Variants in IGF1R observed in about 807,000 individuals in gnomAD.
IGF1R encodes the protein insulin like growth factor 1 receptor.
IGF1R carries 44 observed loss-of-function variants against 144.6 expected under a neutral mutation model. The observed-to-expected ratio is 0.30, with a 90% CI of 0.24 to 0.39. The LOEUF (loss-of-function observed/expected upper bound fraction) is 0.39, where lower values mean the gene tolerates loss of function less well. IGF1R is among the 10% of genes least tolerant of loss of function. IGF1R has a pLI of 1.00. For missense variants in IGF1R, 1,355 were observed against 1,833.7 expected (o/e 0.74, Z 4.77); for synonymous variants, 795 against 722.8 (o/e 1.10, Z -1.60).
chr15:98,817,650 G>A (rs2056723951), intron 2 of IGF1R, among the ~76,000 whole-genome samples: 1 of 152,156 alleles, frequency 6.6e-6, no homozygotes, highest in South Asian at 2.1e-4. Context: ...TGGAAGATGA[G>A]GGAAACTGAG....
At chr15:98,778,754 G>T (rs1010181309) in intron 2 of IGF1R, among the ~76,000 whole-genome samples, 1 of 152,226 alleles carries the variant, frequency 6.6e-6, no homozygotes, top group African/African-American at 2.4e-5. Context: ...TGTCAGCCTG[G>T]TAGTGGTGCT....
intron 2 of IGF1R, among the ~76,000 whole-genome samples, chr15:98,842,172 T>C (rs2011185565): frequency 1.3e-5 from 2 of 152,252 alleles, no homozygotes; most frequent in South Asian, 4.1e-4. Flanking sequence ...TGATGCACTT[T>C]CTTGGCAAGC....
chr15:98,911,465 C>T (rs993635207), intron 7 of IGF1R, 24 bp downstream of exon 7: 2 of 1,613,978 alleles, frequency 1.2e-6, no homozygotes, highest in Admixed American at 1.7e-5. Context: ...TTGGGTGATG[C>T]CATTCTGTTG....
chr15:98,878,663 C>CAAAA (rs138285597), intron 2 of IGF1R, among the ~76,000 whole-genome samples: 628 of 57,766 alleles, frequency 0.011, 17 homozygotes, highest in Middle Eastern at 0.016. Flanking sequence ...GTGAAAGACT[C>CAAAA]AAAAAAAAAA....
chr15:98,689,003 T>A (rs1246148789), intron 1 of IGF1R, among the ~76,000 whole-genome samples: 2 of 152,206 alleles, frequency 1.3e-5, no homozygotes, highest in East Asian at 3.9e-4. Flanking sequence ...GCCCAGATGT[T>A]AACATCAGTA....
chr15:98,857,799 A>G (rs2011913947), intron 2 of IGF1R, among the ~76,000 whole-genome samples: 1 of 152,238 alleles, frequency 6.6e-6, no homozygotes, highest in Non-Finnish European at 1.5e-5. Flanking sequence ...GGATTAACTG[A>G]CAAAATTCTT....
intron 4 of IGF1R, among the ~76,000 whole-genome samples, chr15:98,898,776 A>G (rs1268389181): frequency 6.6e-6 from 1 of 152,236 alleles, no homozygotes; most frequent in Non-Finnish European, 1.5e-5. Flanking sequence ...TTTGTTTACT[A>G]TGAGAAAAAG....
intron 2 of IGF1R, among the ~76,000 whole-genome samples, chr15:98,772,482 T>TATC (rs2055609838): frequency 1.8e-5 from 1 of 55,450 alleles, no homozygotes; most frequent in African/African-American, 5.0e-5. Flanking sequence ...TAAAAATTAT[T>TATC]ATTATTATTA....
At chr15:98,739,301 GA>G (rs1298983381) in intron 2 of IGF1R, among the ~76,000 whole-genome samples, 1 of 152,164 alleles carries the variant, frequency 6.6e-6, no homozygotes, top group Non-Finnish European at 1.5e-5. Flanking sequence ...CTAGTCTTGA[GA>G]GAGAACCTGC....
intron 2 of IGF1R, among the ~76,000 whole-genome samples, chr15:98,809,170 G>C (rs2056531697): frequency 6.6e-6 from 1 of 152,220 alleles, no homozygotes; most frequent in Non-Finnish European, 1.5e-5. Context: ...GGGGCACCCT[G>C]CCGTGACCCT....
At chr15:98,760,996 C>T (rs1189632979) in intron 2 of IGF1R, among the ~76,000 whole-genome samples, 1 of 152,200 alleles carries the variant, frequency 6.6e-6, no homozygotes, top group Non-Finnish European at 1.5e-5. Flanking sequence ...GTAAAATAAA[C>T]TGGAGATGAG....
chr15:98,812,657 CA>C (rs780108177), intron 2 of IGF1R, among the ~76,000 whole-genome samples: 3 of 152,008 alleles, frequency 2.0e-5, no homozygotes, highest in Non-Finnish European at 4.4e-5. Context: ...CGTGCCCGGC[CA>C]AAAAAGCTTT....
At chr15:98,785,143 C>T (rs899167076) in intron 2 of IGF1R, among the ~76,000 whole-genome samples, 10 of 152,214 alleles carry the variant, frequency 6.6e-5, no homozygotes, top group African/African-American at 2.4e-4. Flanking sequence ...TGGAATTTGA[C>T]TTGATTGGTT....
intron 2 of IGF1R, among the ~76,000 whole-genome samples, chr15:98,717,105 G>A (rs1349882652): frequency 6.6e-6 from 1 of 152,166 alleles, no homozygotes; most frequent in Non-Finnish European, 1.5e-5. Context: ...AGAACAGGAT[G>A]TATTTCTTTT....
At chr15:98,731,526 C>T (rs776093809) in intron 2 of IGF1R, among the ~76,000 whole-genome samples, 1 of 152,200 alleles carries the variant, frequency 6.6e-6, no homozygotes, top group Non-Finnish European at 1.5e-5. Flanking sequence ...ACTGCTCTTA[C>T]TTATCTGTGT....
At chr15:98,711,461 C>T (rs1031163099) in intron 2 of IGF1R, among the ~76,000 whole-genome samples, 3 of 152,144 alleles carry the variant, frequency 2.0e-5, no homozygotes, top group Admixed American at 6.5e-5. Flanking sequence ...ACTCTACTCC[C>T]TCTATGGACG....
At chr15:98,927,860 C>A (rs190977902) in intron 13 of IGF1R, among the ~76,000 whole-genome samples, 3 of 152,124 alleles carry the variant, frequency 2.0e-5, no homozygotes, top group Non-Finnish European at 4.4e-5. Context: ...TTACTTGATC[C>A]CCAGTGATTC....
Position 98,891,326 on chromosome 15 carries a change from G to A in IGF1R, c.642G>A (p.Met214Ile). Reference protein sequence around the residue: ...RCWTTNRCQKMCPSTCGKRAC... With the variant: ...RCWTTNRCQKICPSTCGKRAC... ...TCCGTCTCTCCTCTCTCTCCACAGT[G>A]TGCCCAAGCACGTGTGGGAAGCGGG... Residue 214 changes from methionine to isoleucine, a missense_variant and splice_region_variant, in exon 3 of 21, where the codon ATG (methionine) becomes ATA (isoleucine). Physicochemically the swap from Met to Ile is conservative, Grantham distance 10 (BLOSUM62 1). This residue lies in a region of IGF1R where 880 missense variants were observed against 1,202.7 expected (regional missense o/e 0.73). Transcript: ENST00000650285. This position sits in a 1 kb window ranked among gnomAD's most constrained non-coding sequence, Gnocchi z 4.7. 2.5e-6 allele frequency: 4 copies of A among 1,605,610 alleles called. No homozygotes were observed. The highest frequency in any genetic ancestry group is 3.4e-6 in the Non-Finnish European group (4 of 1,179,896).
intron 2 of IGF1R, among the ~76,000 whole-genome samples, chr15:98,841,448 A>G (rs2011173192): frequency 6.6e-6 from 1 of 152,346 alleles, no homozygotes; most frequent in Non-Finnish European, 1.5e-5. Context: ...ACATACAGTA[A>G]GTGCTGAATA....
Sources: gnomAD v4.1 joint callset for allele counts (sites outside exome capture counted in the v4.1 genomes callset) on GRCh38, gnomAD v4.1.1 for gene constraint, gnomAD v4.1.1 regional missense constraint, Gnocchi (gnomAD v3.1) non-coding constraint, MANE v1.5 for transcripts, NCBI Gene and HGNC (gene_info 2026-07-23, HGNC 2026-07-21) for gene names.